The following TAB2 variants were observed in gnomAD, a reference collection of about 807,000 sequenced individuals.
TAB2 encodes the protein TGF-beta-activated kinase 1 and MAP3K7-binding protein 2.
A neutral mutation model predicts 65.0 loss-of-function variants in TAB2; 3 were observed. The observed-to-expected ratio is 0.05, with a 90% confidence interval of 0.02 to 0.12. The LOEUF (loss-of-function observed/expected upper bound fraction) is 0.12, where lower values mean the gene tolerates loss of function less well. Among genes scored for constraint, TAB2 ranks in the 10% least tolerant of loss-of-function variants. The pLI, the probability that TAB2 is intolerant of heterozygous loss-of-function variation, is 1.00. For synonymous variants in TAB2, 298 were observed against 285.1 expected (o/e 1.05, Z -0.46); for missense variants, 623 against 840.3 (o/e 0.74, Z 3.20).
chr6:149,311,073 T>C (rs1361578275), intron 1 of TAB2, among the ~76,000 whole-genome samples: 1 of 152,216 alleles, frequency 6.6e-6, no homozygotes, highest in Non-Finnish European at 1.5e-5. Context: ...ATAGATCTAA[T>C]TATGATCTAA....
intron 1 of TAB2, chr6:149,303,958 G>A (rs1325320720): frequency 6.6e-6 from 1 of 152,276 alleles, no homozygotes; most frequent in Non-Finnish European, 1.5e-5. Context: ...TGTGTCTGGA[G>A]GACTGAGAAG....
chr6:149,381,025 T>C (rs1167150325), intron 3 of TAB2, among the ~76,000 whole-genome samples: 1 of 152,142 alleles, frequency 6.6e-6, no homozygotes, highest in African/African-American at 2.4e-5. Flanking sequence ...GAGGACTGCT[T>C]GAGCCCAGAA....
At chr6:149,300,393 A>G (rs1778950784) in intron 1 of TAB2, among the ~76,000 whole-genome samples, 1 of 152,234 alleles carries the variant, frequency 6.6e-6, no homozygotes, top group Non-Finnish European at 1.5e-5. Flanking sequence ...GGTTCTGTCA[A>G]TAACTCTGAC....
intron 1 of TAB2, among the ~76,000 whole-genome samples, chr6:149,322,927 AC>A (rs1236304439): frequency 6.6e-6 from 1 of 152,156 alleles, no homozygotes; most frequent in Non-Finnish European, 1.5e-5. Flanking sequence ...GAGTGGAATA[AC>A]CATGCAAGTT....
At chr6:149,394,383 T>C (rs1328231356) in intron 3 of TAB2, among the ~76,000 whole-genome samples, 1 of 152,210 alleles carries the variant, frequency 6.6e-6, no homozygotes, top group African/African-American at 2.4e-5. Context: ...GTTACATCTT[T>C]AAGTTTTCTG....
chr6:149,405,860 A>G (rs1463909672), intron 6 of TAB2, among the ~76,000 whole-genome samples: 2 of 152,166 alleles, frequency 1.3e-5, no homozygotes, highest in Non-Finnish European at 2.9e-5. Flanking sequence ...AGTTTATTAT[A>G]TAACTGAAAT....
intron 1 of TAB2, among the ~76,000 whole-genome samples, chr6:149,346,109 T>G (rs1382840148): frequency 1.3e-5 from 2 of 152,098 alleles, no homozygotes; most frequent in African/African-American, 4.8e-5. Flanking sequence ...GCTGGATAGA[T>G]GAAGAGAGGG....
chr6:149,273,494 A>G (rs75270258), intron 1 of TAB2, among the ~76,000 whole-genome samples: 2,123 of 152,318 alleles, frequency 0.014, 46 homozygotes, highest in African/African-American at 0.049. Context: ...CTCTGGCAGC[A>G]AGGGCAAACT....
At chr6:149,387,482 C>T (rs1781842670) in intron 3 of TAB2, among the ~76,000 whole-genome samples, 1 of 152,078 alleles carries the variant, frequency 6.6e-6, no homozygotes, top group Non-Finnish European at 1.5e-5. Flanking sequence ...TTCTTTATGC[C>T]AATACCATAT....
At chr6:149,230,232 C>T (rs1777375709) in intron 1 of TAB2, 1 of 152,190 alleles carries the variant, frequency 6.6e-6, no homozygotes, top group South Asian at 2.1e-4. Context: ...TGTTTGCAAT[C>T]ATTTATCAAT....
intron 1 of TAB2, among the ~76,000 whole-genome samples, chr6:149,322,840 A>C (rs1005765404): frequency 6.6e-6 from 1 of 152,184 alleles, no homozygotes; most frequent in Non-Finnish European, 1.5e-5. Context: ...AATTCAAAGA[A>C]TCTTTTATAC....
intron 1 of TAB2, chr6:149,243,913 C>A (rs559789340): frequency 6.6e-6 from 1 of 152,190 alleles, no homozygotes; most frequent in Non-Finnish European, 1.5e-5. Context: ...CATCCCAAGG[C>A]GCACCATCTC....
intron 1 of TAB2, among the ~76,000 whole-genome samples, chr6:149,325,456 C>G (rs955749293): frequency 9.9e-5 from 15 of 152,272 alleles, no homozygotes; most frequent in African/African-American, 3.6e-4. Flanking sequence ...TTTACTGTAA[C>G]TCCTTAGACC....
chr6:149,349,395 G>C (rs1780414112), intron 1 of TAB2, among the ~76,000 whole-genome samples: 4 of 150,368 alleles, frequency 2.7e-5, no homozygotes, highest in African/African-American at 7.4e-5. Context: ...ACTCCAGCCT[G>C]GGCAACAGAG....
intron 1 of TAB2, among the ~76,000 whole-genome samples, chr6:149,348,592 A>G (rs1780380425): frequency 1.3e-5 from 2 of 151,416 alleles, no homozygotes; most frequent in South Asian, 4.3e-4. Flanking sequence ...AAGTCACACA[A>G]AAAAACACAC....
intron 1 of TAB2, among the ~76,000 whole-genome samples, chr6:149,325,702 G>C (rs1380801669): frequency 6.6e-6 from 1 of 152,092 alleles, no homozygotes; most frequent in Non-Finnish European, 1.5e-5. Context: ...TACAAAACTT[G>C]TGCCACTTTA....
intron 1 of TAB2, among the ~76,000 whole-genome samples, chr6:149,322,575 A>G (rs953107895): frequency 6.6e-6 from 1 of 152,146 alleles, no homozygotes; most frequent in Non-Finnish European, 1.5e-5. Context: ...ATTTGGGATC[A>G]GTTAAAATTC....
At chr6:149,352,361 T>C (rs576507655) in intron 1 of TAB2, among the ~76,000 whole-genome samples, 2 of 152,296 alleles carry the variant, frequency 1.3e-5, no homozygotes, top group Non-Finnish European at 2.9e-5. Flanking sequence ...GCAGAATCTG[T>C]TTGTGTATAC....
At chr6:149,249,899 A>G (rs1777824955) in intron 1 of TAB2, among the ~76,000 whole-genome samples, 1 of 152,194 alleles carries the variant, frequency 6.6e-6, no homozygotes, top group African/African-American at 2.4e-5. Context: ...TAAAATACAA[A>G]CTGTTAGCTA....
Sources: gnomAD v4.1 joint callset for allele counts (sites outside exome capture counted in the v4.1 genomes callset) on GRCh38, gnomAD v4.1.1 for gene constraint, MANE v1.5 for transcripts, NCBI Gene and HGNC (gene_info 2026-07-23, HGNC 2026-07-21) for gene names.